The following PABPC1L variants were observed in gnomAD, a reference collection of about 807,000 sequenced individuals.
PABPC1L encodes poly(A) binding protein cytoplasmic 1 like.
A neutral mutation model predicts 66.6 loss-of-function variants in PABPC1L; 31 were observed. That is an observed-to-expected ratio of 0.47 (90% CI 0.35 to 0.63). The LOEUF (loss-of-function observed/expected upper bound fraction) is 0.63, where lower values mean the gene tolerates loss of function less well. Ranked by LOEUF, PABPC1L falls within the 20% of genes least tolerant of loss-of-function variation. PABPC1L has a pLI of 0.00. For missense variants in PABPC1L, 722 were observed against 848.8 expected, an observed-to-expected ratio of 0.85 and a Z score of 1.86; for synonymous variants, 348 against 335.1, an observed-to-expected ratio of 1.04 and a Z score of -0.42.
chr20:44,930,076 C>T (rs566407195), intron 7 of PABPC1L, among the ~76,000 whole-genome samples: 2 of 152,168 alleles, frequency 1.3e-5, no homozygotes, highest in African/African-American at 4.8e-5. Flanking sequence ...AAGTGGGAGC[C>T]GCGATGCCTC....
chr20:44,919,763 G>T (rs939382635), intron 5 of PABPC1L, among the ~76,000 whole-genome samples: 9 of 152,166 alleles, frequency 5.9e-5, no homozygotes, highest in African/African-American at 2.2e-4. Flanking sequence ...TGGGAAGACT[G>T]CTTGAGTTCA....
chr20:44,919,322 C>G, intron 5 of PABPC1L, 45 bp downstream of exon 5: 1 of 1,596,874 alleles, frequency 6.3e-7, no homozygotes, highest in Non-Finnish European at 8.6e-7. Context: ...GGGGACCGAG[C>G]TGGGACTAAG....
chr20:44,930,638 A>G lies in PABPC1L; in HGVS notation c.1151A>G (p.Gln384Arg), dbSNP rs1199573173. The change falls in exon 8 of 15, where the codon CAG becomes CGG. Residue 384 changes from glutamine (Q) to arginine (R), a missense_variant. Transcript: ENST00000217073. ...RKAILTNQYMQRLSTMRTLSN... is the reference protein window; with the variant it reads ...RKAILTNQYMRRLSTMRTLSN... ...GCCATCTTGACCAACCAGTACATGC[A>G]GCGCCTCTCCACCATGCGGACCCTG... 6.2e-7 allele frequency: 1 copy of G among 1,614,090 alleles called. No individual in the cohort carries two copies. The highest frequency in any genetic ancestry group is 1.3e-5 in the African/African-American group (1 of 74,944).
chr20:44,925,125 A>G (rs2066800307), intron 7 of PABPC1L, among the ~76,000 whole-genome samples: 1 of 146,548 alleles, frequency 6.8e-6, no homozygotes, highest in South Asian at 2.3e-4. Context: ...AGGCAGGAGA[A>G]TGGCATGAAC....
At chr20:44,934,017 G>A (rs1211872108) in intron 10 of PABPC1L, among the ~76,000 whole-genome samples, 1 of 152,174 alleles carries the variant, frequency 6.6e-6, no homozygotes, top group Non-Finnish European at 1.5e-5. Context: ...CTCCCAAAGT[G>A]CTGGGATTAC....
intron 10 of PABPC1L, 78 bp from the exon 11 acceptor site, chr20:44,935,313 T>G (rs1734608144): frequency 4.1e-6 from 4 of 973,458 alleles, no homozygotes; most frequent in African/African-American, 3.2e-5. Flanking sequence ...TGTTTTGGTG[T>G]TGTTTTGTTT....
intron 1 of PABPC1L, among the ~76,000 whole-genome samples, chr20:44,911,435 G>C (rs1049124192): frequency 6.6e-6 from 1 of 152,208 alleles, no homozygotes; most frequent in African/African-American, 2.4e-5. Context: ...TTGCACTCCA[G>C]CCCGGGCAAC....
At position 44,939,123 on chromosome 20, in the gene PABPC1L, C is replaced by T. The variant is rs778195849; in HGVS notation, c.*7-3C>T. Reference sequence around the variant, plus strand: ...ACACTTATTTTTACCTTTTTGTCCTCAGAAAAGGAAATCCTCGCTTCCATG... The same window carrying T: ...ACACTTATTTTTACCTTTTTGTCCTTAGAAAAGGAAATCCTCGCTTCCATG... On this transcript the variant is annotated splice_region_variant and splice_polypyrimidine_tract_variant and intron_variant, in intron 14 of 14. Coordinates refer to ENST00000217073, the MANE Select transcript of PABPC1L (RefSeq NM_001372179.1). 2 of 717,908 alleles carry T rather than the reference C, an allele frequency of 2.8e-6. No individual in the cohort carries two copies. Among genetic ancestry groups the T allele is most frequent in the South Asian group, 3.0e-5 (2 of 67,606 alleles). The allele number at this position is 717,908 out of a possible 1,614,324, so 44.5% of individuals were successfully genotyped here. A position where few individuals can be genotyped will look rare whatever the true frequency, so the allele number is the denominator to read the frequency against.
intron 1 of PABPC1L, 118 bp from the exon 2 acceptor site, chr20:44,912,542 G>T (rs2235172): frequency 9.3e-6 from 8 of 855,736 alleles, no homozygotes; most frequent in Middle Eastern, 3.6e-4. Context: ...CTTATTGTCT[G>T]GGACCCAGAC....
chr20:44,918,642 A>G (rs1254864750), intron 3 of PABPC1L, among the ~76,000 whole-genome samples: 5 of 152,214 alleles, frequency 3.3e-5, no homozygotes, highest in Non-Finnish European at 5.9e-5. Flanking sequence ...TGCCTGGTAT[A>G]TAATAGTAAT....
rs371175165 is a variant in PABPC1L at position 44,933,087 on chromosome 20, G to A, written c.1361G>A (p.Arg454Gln). ...SAYPPGASMVRPPVVPRRPPA... is the reference protein window; with the variant it reads ...SAYPPGASMVQPPVVPRRPPA... ...TACCCTCCAGGTGCCTCAATGGTCC[G>A]GCCACCAGTTGTGCCTCGGCGCCCC... The change falls in exon 10 of 15, where the codon CGG becomes CAG. Residue 454 changes from arginine to glutamine, a missense_variant. By Grantham distance (43) the Arg-to-Gln change is conservative (BLOSUM62 1). Transcript: ENST00000217073. 33 of 1,600,246 alleles carry A rather than the reference G, an allele frequency of 2.1e-5. No homozygotes were observed. The highest frequency in any genetic ancestry group is 2.7e-5 in the Non-Finnish European group (32 of 1,174,476).
At chr20:44,910,813 C>A (rs2066699115) in intron 1 of PABPC1L, among the ~76,000 whole-genome samples, 1 of 139,406 alleles carries the variant, frequency 7.2e-6, no homozygotes, top group African/African-American at 2.7e-5. Context: ...GCCTTGGGCT[C>A]AGGCCTTTCC....
intron 7 of PABPC1L, among the ~76,000 whole-genome samples, chr20:44,930,102 G>C (rs776823527): frequency 5.9e-5 from 9 of 152,166 alleles, no homozygotes; most frequent in Non-Finnish European, 1.3e-4. Flanking sequence ...TCGGGAGGTT[G>C]TACATGTGAG....
chr20:44,930,488 G>T lies in PABPC1L; in HGVS notation c.1001G>T (p.Gly334Val), dbSNP rs778512925. The T allele has an allele frequency of 8.2e-5, 133 of 1,614,106 alleles. No homozygotes were observed. Among genetic ancestry groups the T allele is most frequent in the Non-Finnish European group, 1.1e-4 (131 of 1,180,034 alleles). Residue 334 changes from glycine (G) to valine (V), a missense_variant, in exon 8 of 15, where the codon GGG becomes GTG. Gly to Val is a moderately radical substitution (Grantham distance 109). Coordinates refer to ENST00000217073, the MANE Select transcript of PABPC1L (RefSeq NM_001372179.1). Reference sequence around the variant, plus strand: ...ATGACAGAGGGTGGCCACAGCAAGGGGTTTGGCTTTGTGTGTTTTTCCTCC... The same window carrying T: ...ATGACAGAGGGTGGCCACAGCAAGGTGTTTGGCTTTGTGTGTTTTTCCTCC... ...KVMTEGGHSK[G>V]FGFVCFSSPE... is the part of the protein sequence containing the mutation.
intron 6 of PABPC1L, 33 bp from the exon 7 acceptor site, chr20:44,924,128 A>AGGG (rs1400905538): frequency 6.4e-7 from 1 of 1,555,960 alleles, no homozygotes; most frequent in African/African-American, 1.4e-5. Flanking sequence ...TTGGAGGAGA[A>AGGG]GGGGACATCC....
intron 2 of PABPC1L, among the ~76,000 whole-genome samples, chr20:44,916,022 A>C (rs1395832787): frequency 6.6e-6 from 1 of 152,104 alleles, no homozygotes; most frequent in African/African-American, 2.4e-5. Flanking sequence ...TCACTTAACA[A>C]GACTGTCAGG....
intron 12 of PABPC1L, among the ~76,000 whole-genome samples, chr20:44,937,340 C>G (rs529025747): frequency 6.6e-6 from 1 of 151,888 alleles, no homozygotes; most frequent in African/African-American, 2.4e-5. Context: ...TACTGAAGGC[C>G]CCCATTACCA....
intron 2 of PABPC1L, among the ~76,000 whole-genome samples, chr20:44,914,997 A>G (rs2066728904): frequency 6.6e-6 from 1 of 152,212 alleles, no homozygotes; most frequent in Non-Finnish European, 1.5e-5. Context: ...TGCCCTTAGC[A>G]GGTTCTTGAC....
At position 44,930,602 on chromosome 20, in the gene PABPC1L, A is replaced by G; in HGVS notation, c.1115A>G (p.Glu372Gly). 6.2e-7 allele frequency: 1 copy of G among 1,614,250 alleles called. No homozygotes were observed. The highest frequency in any genetic ancestry group is 8.5e-7 in the Non-Finnish European group (1 of 1,180,044). Residue 372 changes from glutamate to glycine, a missense_variant, in exon 8 of 15, where the codon GAG (glutamate) becomes GGG (glycine). Physicochemically the swap from Glu to Gly is moderately conservative, Grantham distance 98. Transcript: ENST00000217073. ...TACGTGGCACTGGCCCAGCGCAAAG[A>G]GGAGCGGAAGGCCATCTTGACCAAC... is the stretch of plus-strand genomic sequence containing the variant. Reference protein sequence around the residue: ...PLYVALAQRKEERKAILTNQY... With the variant: ...PLYVALAQRKGERKAILTNQY...
Sources: allele counts gnomAD v4.1 joint callset (sites outside exome capture counted in the v4.1 genomes callset), GRCh38; gene constraint gnomAD v4.1.1; transcripts MANE v1.5; gene names NCBI Gene and HGNC (gene_info 2026-07-23, HGNC 2026-07-21).